RAPGEF4: variants seen among roughly 807,000 people sequenced by gnomAD.
RAPGEF4 encodes the protein RAP guanine-nucleotide-exchange factor (GEF) 4.
In RAPGEF4, 66 loss-of-function variants were observed where a neutral mutation model predicts 147.9. That is an observed-to-expected ratio of 0.45 (90% CI 0.37 to 0.55). The LOEUF is 0.55. Among genes scored for constraint, RAPGEF4 ranks in the 20% least tolerant of loss-of-function variants. RAPGEF4 has a pLI of 0.00. For synonymous variants in RAPGEF4, 419 were observed against 442.7 expected (o/e 0.95, Z 0.67); for missense variants, 1,071 against 1,257.3 (o/e 0.85, Z 2.24).
chr2:172,907,521 C>G (rs1251925813), intron 4 of RAPGEF4, among the ~76,000 whole-genome samples: 1 of 152,234 alleles, frequency 6.6e-6, no homozygotes, highest in Non-Finnish European at 1.5e-5. Context: ...GTTTCTCCAT[C>G]ACTTTGGAAC....
intron 5 of RAPGEF4, among the ~76,000 whole-genome samples, chr2:172,921,814 G>A (rs1415396658): frequency 6.6e-6 from 1 of 152,230 alleles, no homozygotes; most frequent in African/African-American, 2.4e-5. Context: ...GCTCACAATG[G>A]AAGTTGTTTT....
intron 4 of RAPGEF4, among the ~76,000 whole-genome samples, chr2:172,906,643 G>A (rs1183507283): frequency 6.6e-6 from 1 of 152,238 alleles, no homozygotes; most frequent in Non-Finnish European, 1.5e-5. Flanking sequence ...CTGGGTGCCA[G>A]CAGTTGCATG....
chr2:173,038,265 T>C (rs1684302230), intron 29 of RAPGEF4, among the ~76,000 whole-genome samples: 1 of 152,254 alleles, frequency 6.6e-6, no homozygotes, highest in African/African-American at 2.4e-5. Context: ...ACAATTCCTC[T>C]GACTTCCCAG....
At chr2:172,887,546 G>A (rs576843937) in intron 4 of RAPGEF4, among the ~76,000 whole-genome samples, 46 of 152,274 alleles carry the variant, frequency 3.0e-4, no homozygotes, top group African/African-American at 6.3e-4. Context: ...TTGGAACACA[G>A]CCACACTCGT....
At chr2:172,925,348 A>T (rs1006805419) in intron 6 of RAPGEF4, among the ~76,000 whole-genome samples, 3 of 152,206 alleles carry the variant, frequency 2.0e-5, no homozygotes, top group Admixed American at 2.0e-4. Context: ...TGCCAGCTAC[A>T]TTTTATTCTC....
intron 30 of RAPGEF4, among the ~76,000 whole-genome samples, chr2:173,050,647 A>T (rs1012727882): frequency 2.7e-5 from 4 of 150,704 alleles, no homozygotes; most frequent in African/African-American, 9.8e-5. Context: ...TGGCCCACAG[A>T]GGTGTTGGGT....
chr2:172,878,771 A>G (rs1001179577), intron 4 of RAPGEF4, among the ~76,000 whole-genome samples: 2 of 152,206 alleles, frequency 1.3e-5, no homozygotes, highest in Non-Finnish European at 2.9e-5. Flanking sequence ...TAGGCGATTC[A>G]CAAAGAAAGG....
At chr2:172,953,528 T>C (rs973430466) in intron 6 of RAPGEF4, among the ~76,000 whole-genome samples, 7 of 151,978 alleles carry the variant, frequency 4.6e-5, no homozygotes, top group Non-Finnish European at 1.5e-5. Flanking sequence ...TTCAACTCAG[T>C]GAAATATACA....
At position 172,899,867 on chromosome 2, in the gene RAPGEF4, G is replaced by A. The variant is rs186832226; in HGVS notation, c.445-17935G>A. 2.7e-3 allele frequency among the ~76,000 whole-genome samples: 415 copies of A among 152,278 alleles called. 4 individuals carry two copies. Among genetic ancestry groups the A allele is most frequent in the Admixed American group, 0.024 (371 of 15,288 alleles). On this transcript the variant is annotated intron_variant, in intron 4 of 30. Transcript: ENST00000397081. Reference sequence around the variant, plus strand: ...CAGGCTGTGGACCGCATGTAGGGCCGAGCTCCATCCCAGCAAGGGAACAGA... The same window carrying A: ...CAGGCTGTGGACCGCATGTAGGGCCAAGCTCCATCCCAGCAAGGGAACAGA...
chr2:172,909,526 A>G (rs1357647091), intron 4 of RAPGEF4, among the ~76,000 whole-genome samples: 1 of 152,096 alleles, frequency 6.6e-6, no homozygotes, highest in Non-Finnish European at 1.5e-5. Context: ...TACAGGGGGA[A>G]GTGCACCAGG....
chr2:172,933,175 T>G (rs75377330), intron 6 of RAPGEF4, among the ~76,000 whole-genome samples: 113 of 152,278 alleles, frequency 7.4e-4, no homozygotes, highest in African/African-American at 2.6e-3. Context: ...TAAGTAACAG[T>G]GTTACTAAAT....
chr2:172,794,890 G>A (rs909630555), intron 1 of RAPGEF4, 135 bp from the exon 2 acceptor site: 5 of 885,142 alleles, frequency 5.6e-6, no homozygotes, highest in African/African-American at 5.0e-5. Flanking sequence ...ATAAGGGGGT[G>A]GATAAATATT....
intron 4 of RAPGEF4, among the ~76,000 whole-genome samples, chr2:172,861,619 A>G (rs1054433544): frequency 6.6e-6 from 1 of 152,226 alleles, no homozygotes; most frequent in Admixed American, 6.5e-5. Context: ...TCTATACACT[A>G]TGTCTTCCAT....
At chr2:172,903,544 A>G (rs1699310138) in intron 4 of RAPGEF4, among the ~76,000 whole-genome samples, 2 of 152,030 alleles carry the variant, frequency 1.3e-5, no homozygotes, top group African/African-American at 2.4e-5. Context: ...ATCTCAAAAA[A>G]AAAAAAAAAG....
intron 1 of RAPGEF4, among the ~76,000 whole-genome samples, chr2:172,741,455 G>T (rs1694287743): frequency 6.6e-6 from 1 of 152,196 alleles, no homozygotes; most frequent in African/African-American, 2.4e-5. Context: ...CTGGGGAAGG[G>T]CGTGGGTGAC....
intron 1 of RAPGEF4, among the ~76,000 whole-genome samples, chr2:172,780,847 G>T (rs1684615925): frequency 1.3e-5 from 2 of 152,080 alleles, no homozygotes; most frequent in African/African-American, 4.8e-5. Context: ...TGCAATTATT[G>T]TATTAAAATA....
intron 4 of RAPGEF4, among the ~76,000 whole-genome samples, chr2:172,837,448 T>C (rs1691081154): frequency 6.6e-6 from 1 of 152,122 alleles, no homozygotes; most frequent in African/African-American, 2.4e-5. Context: ...ACCATTTTTC[T>C]CTCTTACCAT....
intron 4 of RAPGEF4, among the ~76,000 whole-genome samples, chr2:172,889,112 TATC>T (rs2149893358): frequency 6.6e-6 from 1 of 152,326 alleles, no homozygotes; most frequent in African/African-American, 2.4e-5. Context: ...AAATCATATT[TATC>T]ATCTCAAAGA....
chr2:172,967,363 G>A lies in RAPGEF4; in HGVS notation c.923G>A (p.Cys308Tyr), dbSNP rs1436022414. 3.1e-6 allele frequency: 5 copies of A among 1,612,110 alleles called. No individual in the cohort carries two copies. The highest frequency in any genetic ancestry group is 4.2e-6 in the Non-Finnish European group (5 of 1,179,834). Residue 308 changes from cysteine (C) to tyrosine (Y), a missense_variant, in exon 10 of 31, where the codon TGT (cysteine) becomes TAT (tyrosine). Cys to Tyr is a radical substitution (Grantham distance 194). Coordinates refer to ENST00000397081, the MANE Select transcript of RAPGEF4 (RefSeq NM_007023.4). ...CCTACTGAGGAGGAGAAGAAGGAGT[G>A]TGATGAGGAGCTCCAGGACACCATG... ...PLPTEEEKKECDEELQDTMLL... is the reference protein window; with the variant it reads ...PLPTEEEKKEYDEELQDTMLL...
Sources: allele counts gnomAD v4.1 joint callset (sites outside exome capture counted in the v4.1 genomes callset), GRCh38; gene constraint gnomAD v4.1.1; transcripts MANE v1.5; gene names NCBI Gene and HGNC (gene_info 2026-07-23, HGNC 2026-07-21).